Variants in SRP9 observed in about 807,000 individuals in gnomAD.
The protein encoded by SRP9 is signal recognition particle 9 kDa protein.
A neutral mutation model predicts 11.7 loss-of-function variants in SRP9; 2 were observed. That is an observed-to-expected ratio of 0.17 (90% CI 0.07 to 0.54). SRP9 has a LOEUF of 0.54. Among genes scored for constraint, SRP9 ranks in the 20% least tolerant of loss-of-function variants. The probability of loss-of-function intolerance (pLI) is 0.94; values close to 1 mark genes in which losing one functional copy is unlikely to be tolerated. For synonymous variants in SRP9, 27 were observed against 35.6 expected (o/e 0.76, Z 0.86); for missense variants, 54 against 108.1 (o/e 0.50, Z 2.22).
chr1:225,788,422 T>A (rs1575955421), intron 2 of SRP9, among the ~76,000 whole-genome samples: 1 of 151,312 alleles, frequency 6.6e-6, no homozygotes, highest in East Asian at 2.0e-4. Flanking sequence ...AGATTTTTTT[T>A]TTTTTTTTTT....
rs763426878 is a variant in SRP9, at chr1:225,789,458, G to A, written c.*99G>A. 1.4e-5 allele frequency: 20 copies of A among 1,427,538 alleles called. No individual in the cohort carries two copies. The highest frequency in any genetic ancestry group is 1.7e-5 in the Non-Finnish European group (18 of 1,058,272). 88.4% of individuals were successfully genotyped at this position (1,427,538 alleles called of 1,614,324 possible). A position where few individuals can be genotyped will look rare whatever the true frequency, so the allele number is the denominator to read the frequency against. Reference sequence around the variant, plus strand: ...GAAAGTACTTTATGTAACTAAGTGGGCTGTTCAGAAGCTTAGAGGTCATTT... The same window carrying A: ...GAAAGTACTTTATGTAACTAAGTGGACTGTTCAGAAGCTTAGAGGTCATTT... On this transcript the variant is annotated 3_prime_UTR_variant, in exon 3 of 3. Transcript: ENST00000304786.
chr1:225,789,481 T>A lies in SRP9; in HGVS notation c.*122T>A, dbSNP rs1254408703. ...GGGCTGTTCAGAAGCTTAGAGGTCA[T>A]TTTTTGTAATTTTCTTTTTAATTAC... is the stretch of plus-strand genomic sequence containing the variant. On this transcript the variant is annotated 3_prime_UTR_variant, in exon 3 of 3. Coordinates refer to ENST00000304786, the MANE Select transcript of SRP9 (RefSeq NM_003133.6). 2.6e-6 allele frequency: 3 copies of A among 1,156,220 alleles called. No homozygotes were observed. The highest frequency in any genetic ancestry group is 3.7e-5 in the South Asian group (2 of 53,548). The allele number at this position is 1,156,220 out of a possible 1,614,324, so 71.6% of individuals were successfully genotyped here.
intron 1 of SRP9, among the ~76,000 whole-genome samples, chr1:225,781,671 T>C (rs894439755): frequency 2.6e-5 from 4 of 152,244 alleles, no homozygotes; most frequent in African/African-American, 9.6e-5. Flanking sequence ...GCTGGGATTA[T>C]AGGCATGAGC....
intron 1 of SRP9, among the ~76,000 whole-genome samples, chr1:225,778,986 A>G (rs1665742343): frequency 6.6e-6 from 1 of 152,174 alleles, no homozygotes; most frequent in Non-Finnish European, 1.5e-5. Flanking sequence ...TGGGAGACAC[A>G]AAGGTGAATG....
intron 2 of SRP9, 171 bp from the exon 3 acceptor site, chr1:225,789,069 A>G: frequency 6.4e-7 from 1 of 1,551,160 alleles, no homozygotes; most frequent in Non-Finnish European, 8.7e-7. Flanking sequence ...TAAGACATGG[A>G]ATTGCTGGAG....
chr1:225,779,119 GC>G (rs901451589), intron 1 of SRP9, among the ~76,000 whole-genome samples: 1 of 151,686 alleles, frequency 6.6e-6, no homozygotes, highest in Non-Finnish European at 1.5e-5. Context: ...GAAAACCGGG[GC>G]TCAGGATCTT....
Position 225,789,010 on chromosome 1 carries a change from C to T in SRP9, c.142-230C>T, listed in dbSNP as rs1256406109. On this transcript the variant is annotated intron_variant, in intron 2 of 2. Transcript: ENST00000304786. Reference sequence around the variant, plus strand: ...ACATTTTTCAGAAGCTTCTAATAGACTTCATTCAGTTTTTTGTCCACAGCA... The same window carrying T: ...ACATTTTTCAGAAGCTTCTAATAGATTTCATTCAGTTTTTTGTCCACAGCA... 5.8e-6 allele frequency: 9 copies of T among 1,550,014 alleles called. No individual in the cohort carries two copies. The Admixed American group carries it at 7.9e-5, about 14-fold the overall frequency.
chr1:225,786,753 T>TA (rs933129680), intron 2 of SRP9: 16 of 1,183,350 alleles, frequency 1.4e-5, no homozygotes, highest in African/African-American at 1.3e-4. Flanking sequence ...ATAGTGATAG[T>TA]AAAAAAATAT....
intron 2 of SRP9, among the ~76,000 whole-genome samples, chr1:225,784,981 G>A (rs1478405156): frequency 6.6e-6 from 1 of 151,928 alleles, no homozygotes; most frequent in Non-Finnish European, 1.5e-5. Flanking sequence ...TCGCTATGTT[G>A]CCCAGGCTGG....
intron 1 of SRP9, among the ~76,000 whole-genome samples, chr1:225,779,115 C>G (rs1665744184): frequency 6.7e-6 from 1 of 149,884 alleles, no homozygotes; most frequent in African/African-American, 2.4e-5. Context: ...CTCGGAAAAC[C>G]GGGGCTCAGG....
At chr1:225,788,851 C>G (rs1472136489) in intron 2 of SRP9, among the ~76,000 whole-genome samples, 1 of 151,152 alleles carries the variant, frequency 6.6e-6, no homozygotes, top group African/African-American at 2.4e-5. Flanking sequence ...GTTTTTTTTT[C>G]CAGCATAACT....
intron 2 of SRP9, among the ~76,000 whole-genome samples, chr1:225,787,640 G>A (rs900406790): frequency 1.3e-5 from 2 of 152,074 alleles, no homozygotes; most frequent in African/African-American, 4.8e-5. Context: ...TATAATTAAG[G>A]ATCCATGTTA....
At chr1:225,785,661 T>G (rs1330826684) in intron 2 of SRP9, among the ~76,000 whole-genome samples, 1 of 148,790 alleles carries the variant, frequency 6.7e-6, no homozygotes, top group African/African-American at 2.5e-5. Context: ...ATTATAGGCG[T>G]GAGCCACTGT....
chr1:225,786,859 T>C, intron 2 of SRP9: 1 of 1,146,616 alleles, frequency 8.7e-7, no homozygotes. Context: ...TTTTTTTTTT[T>C]AGAGACAGTG....
intron 2 of SRP9, among the ~76,000 whole-genome samples, 160 bp downstream of exon 2, chr1:225,783,528 G>GA (rs1248531934): frequency 6.6e-6 from 1 of 152,114 alleles, no homozygotes; most frequent in African/African-American, 2.4e-5. Context: ...TACTTTTATA[G>GA]ACCCTCAGGA....
Position 225,789,509 on chromosome 1 carries a change from T to G in SRP9, c.*150T>G. The stretch of plus-strand genomic sequence containing the variant: ...TTTGTAATTTTCTTTTTAATTACTT[T>G]AGAGAGCTAGGGATGCAAATGTTTT... On this transcript the variant is annotated 3_prime_UTR_variant, in exon 3 of 3. Transcript: ENST00000304786. 1 of 849,504 alleles carries G rather than the reference T, an allele frequency of 1.2e-6. No homozygotes were observed. The highest frequency in any genetic ancestry group is 1.7e-6 in the Non-Finnish European group (1 of 578,042). 52.6% of individuals were successfully genotyped at this position (849,504 alleles called of 1,614,324 possible).
At chr1:225,783,423 T>C (rs1665837506) in intron 2 of SRP9, 55 bp downstream of exon 2, 3 of 1,389,658 alleles carry the variant, frequency 2.2e-6, no homozygotes, top group Non-Finnish European at 3.0e-6. Context: ...AGTTAATTAT[T>C]TGTTTGAAAT....
At chr1:225,788,474 T>G (rs1424845608) in intron 2 of SRP9, among the ~76,000 whole-genome samples, 2 of 149,264 alleles carry the variant, frequency 1.3e-5, no homozygotes, top group Non-Finnish European at 3.0e-5. Context: ...TGGAGTGCAG[T>G]GGCATGATCT....
At chr1:225,783,463 A>G (rs759493146) in intron 2 of SRP9, 95 bp downstream of exon 2, 3 of 968,568 alleles carry the variant, frequency 3.1e-6, no homozygotes, top group Non-Finnish European at 4.7e-6. Context: ...GAGATTACCC[A>G]TTAGGATGCT....
Sources: allele counts gnomAD v4.1 joint callset (sites outside exome capture counted in the v4.1 genomes callset), GRCh38; gene constraint gnomAD v4.1.1; transcripts MANE v1.5; gene names NCBI Gene and HGNC (gene_info 2026-07-23, HGNC 2026-07-21).